SNX29: variants seen among roughly 807,000 people sequenced by gnomAD.
The protein encoded by SNX29 is sorting nexin-29.
A neutral mutation model predicts 102.1 loss-of-function variants in SNX29; 78 were observed. That is an observed-to-expected ratio of 0.76 (90% CI 0.64 to 0.92). SNX29 has a LOEUF of 0.92. Ranked by LOEUF, SNX29 falls within the 40% of genes least tolerant of loss-of-function variation. The pLI is 0.00. For missense variants in SNX29, 1,280 were observed against 1,061.7 expected (o/e 1.21, Z -2.86); for synonymous variants, 580 against 414.5 (o/e 1.40, Z -4.85).
At chr16:12,537,734 G>A (rs1405082583) in intron 20 of SNX29, among the ~76,000 whole-genome samples, 1 of 152,012 alleles carries the variant, frequency 6.6e-6, no homozygotes, top group South Asian at 2.1e-4. Flanking sequence ...AGGTATTTTT[G>A]GCACAATGAC....
At chr16:12,032,771 C>T (rs1052275942) in intron 4 of SNX29, among the ~76,000 whole-genome samples, 1 of 151,834 alleles carries the variant, frequency 6.6e-6, no homozygotes, top group Non-Finnish European at 1.5e-5. Context: ...AGAGGCTATA[C>T]CCTGTTGCAT....
At chr16:12,481,010 C>T (rs2087880536) in intron 19 of SNX29, among the ~76,000 whole-genome samples, 1 of 152,136 alleles carries the variant, frequency 6.6e-6, no homozygotes, top group African/African-American at 2.4e-5. Flanking sequence ...CACCCTCATC[C>T]CCAGGCTAGA....
intron 15 of SNX29, among the ~76,000 whole-genome samples, chr16:12,322,062 A>T (rs2080954225): frequency 6.6e-6 from 1 of 152,158 alleles, no homozygotes. Context: ...TGTCTGCGTG[A>T]CACAGTCCTA....
In SNX29 at chr16:12,515,442, C is replaced by T. The variant is rs2089820877; in HGVS notation, c.2179-9260C>T. 8.5e-6 allele frequency: 4 copies of T among 471,736 alleles called. No homozygotes were observed. In the Admixed American group the frequency reaches 9.4e-5, roughly 11 times the overall value. The allele number at this position is 471,736 out of a possible 1,614,324, so 29.2% of individuals were successfully genotyped here. On this transcript the variant is annotated intron_variant, in intron 19 of 20. Coordinates refer to ENST00000566228, the MANE Select transcript of SNX29 (RefSeq NM_032167.5). The stretch of plus-strand genomic sequence containing the variant: ...ATGATTGCACCCCATCCGCAAGTCA[C>T]CCCTGAAATAGATCAGTCAGCTCTG...
chr16:12,382,467 A>G (rs562592746), intron 16 of SNX29, among the ~76,000 whole-genome samples: 5 of 152,134 alleles, frequency 3.3e-5, no homozygotes, highest in Non-Finnish European at 7.3e-5. Flanking sequence ...CTCTGAGTCT[A>G]TTTCCCCATC....
intron 18 of SNX29, among the ~76,000 whole-genome samples, chr16:12,412,665 G>T (rs553301193): frequency 6.6e-6 from 1 of 152,200 alleles, no homozygotes; most frequent in Non-Finnish European, 1.5e-5. Context: ...GCGTGCATAC[G>T]TGTGCATGTG....
At position 12,046,464 on chromosome 16, in the gene SNX29, G is replaced by A. The variant is rs755605083; in HGVS notation, c.499+10G>A. ...CCTACCATGGCAGCAGGTAAGCCTG[G>A]CCCAGACCAGGGTGCAGGGCCTTGT... On this transcript the variant is annotated intron_variant, in intron 6 of 20. Coordinates refer to ENST00000566228, the MANE Select transcript of SNX29 (RefSeq NM_032167.5). 4.3e-6 allele frequency: 7 copies of A among 1,613,600 alleles called. No homozygotes were observed. Among genetic ancestry groups the A allele is most frequent in the Non-Finnish European group, 8.5e-7 (1 of 1,179,714 alleles).
chr16:12,542,029 C>G (rs1017956135), intron 20 of SNX29, among the ~76,000 whole-genome samples: 6 of 152,058 alleles, frequency 3.9e-5, no homozygotes, highest in East Asian at 3.9e-4. Context: ...TCTGTTTTTT[C>G]TTTTTTTAAT....
chr16:12,169,584 G>T (rs892665986), intron 13 of SNX29, among the ~76,000 whole-genome samples: 3 of 152,166 alleles, frequency 2.0e-5, no homozygotes, highest in Non-Finnish European at 4.4e-5. Flanking sequence ...TCATGGCCAG[G>T]CGTTGTGGCT....
intron 14 of SNX29, among the ~76,000 whole-genome samples, chr16:12,232,708 G>A (rs2077807292): frequency 6.6e-6 from 1 of 152,204 alleles, no homozygotes; most frequent in South Asian, 2.1e-4. Context: ...TTTTGAGACA[G>A]AGTCTCACTC....
intron 20 of SNX29, among the ~76,000 whole-genome samples, chr16:12,553,185 T>C (rs563979883): frequency 2.6e-5 from 4 of 152,304 alleles, no homozygotes; most frequent in African/African-American, 9.6e-5. Context: ...TAAGTCAGTA[T>C]ACAGCTGCAG....
At chr16:12,348,884 A>T (rs2081908715) in intron 15 of SNX29, among the ~76,000 whole-genome samples, 1 of 151,838 alleles carries the variant, frequency 6.6e-6, no homozygotes, top group African/African-American at 2.4e-5. Context: ...TACTGCTCGG[A>T]GAGGAAGTGG....
intron 20 of SNX29, among the ~76,000 whole-genome samples, chr16:12,552,655 G>T (rs754072078): frequency 6.6e-6 from 1 of 152,202 alleles, no homozygotes; most frequent in Non-Finnish European, 1.5e-5. Context: ...GATTGCAATG[G>T]GAGACCCAGG....
At chr16:12,073,509 T>C (rs568896726) in intron 10 of SNX29, among the ~76,000 whole-genome samples, 2 of 152,384 alleles carry the variant, frequency 1.3e-5, no homozygotes. Context: ...TCCTGAGTTC[T>C]AGTTTGATTG....
At chr16:12,354,607 C>A (rs1164477242) in intron 15 of SNX29, among the ~76,000 whole-genome samples, 1 of 152,140 alleles carries the variant, frequency 6.6e-6, no homozygotes, top group Non-Finnish European at 1.5e-5. Flanking sequence ...GGCACATTGG[C>A]AGGTATTTAG....
At chr16:12,486,722 C>G (rs576133060) in intron 19 of SNX29, among the ~76,000 whole-genome samples, 3 of 152,326 alleles carry the variant, frequency 2.0e-5, no homozygotes, top group African/African-American at 7.2e-5. Flanking sequence ...TCCTCAACCT[C>G]AGTGCCGTGG....
At chr16:12,561,131 G>A (rs1161245838) in intron 20 of SNX29, 5 of 228,568 alleles carry the variant, frequency 2.2e-5, no homozygotes, top group Non-Finnish European at 3.5e-5. Context: ...ACGCAGTCCT[G>A]AGGCCCAGGT....
intron 11 of SNX29, among the ~76,000 whole-genome samples, chr16:12,123,120 C>T (rs1051013878): frequency 6.6e-6 from 1 of 152,172 alleles, no homozygotes; most frequent in Non-Finnish European, 1.5e-5. Context: ...GCCACCGTGC[C>T]CAGCCTAATT....
intron 14 of SNX29, among the ~76,000 whole-genome samples, chr16:12,260,073 C>T (rs2078689453): frequency 6.6e-6 from 1 of 152,202 alleles, no homozygotes; most frequent in Non-Finnish European, 1.5e-5. Flanking sequence ...TCTCTGTGAC[C>T]CCTTTTTTCT....
Sources: allele counts gnomAD v4.1 joint callset (sites outside exome capture counted in the v4.1 genomes callset), GRCh38; gene constraint gnomAD v4.1.1; transcripts MANE v1.5; gene names NCBI Gene and HGNC (gene_info 2026-07-23, HGNC 2026-07-21).